Variants in PRKG1 observed in about 807,000 individuals in gnomAD.
The protein encoded by PRKG1 is protein kinase cGMP-dependent 1.
A neutral mutation model predicts 88.1 loss-of-function variants in PRKG1; 35 were observed. The ratio of observed to expected loss-of-function variants is 0.40; its 90% confidence interval spans 0.30 to 0.53. The LOEUF (loss-of-function observed/expected upper bound fraction) is 0.53, where lower values mean the gene tolerates loss of function less well. PRKG1 is among the 20% of genes least tolerant of loss of function. The probability of loss-of-function intolerance (pLI) is 0.59; values close to 1 mark genes in which losing one functional copy is unlikely to be tolerated. For synonymous variants in PRKG1, 303 were observed against 292.5 expected (o/e 1.04, Z -0.37); for missense variants, 540 against 839.8 (o/e 0.64, Z 4.41).
chr10:51,633,889 G>T (rs1302480260), intron 3 of PRKG1, among the ~76,000 whole-genome samples: 1 of 152,074 alleles, frequency 6.6e-6, no homozygotes, highest in Non-Finnish European at 1.5e-5. Flanking sequence ...CTCCACTGTA[G>T]ATTTTCTAAC....
intron 2 of PRKG1, among the ~76,000 whole-genome samples, chr10:51,417,083 T>C (rs1022923897): frequency 1.3e-5 from 2 of 152,210 alleles, no homozygotes; most frequent in African/African-American, 4.8e-5. Flanking sequence ...ATTATGTTTC[T>C]TAACATATTT....
intron 2 of PRKG1, among the ~76,000 whole-genome samples, chr10:51,424,910 A>T (rs1330623795): frequency 6.6e-6 from 1 of 152,144 alleles, no homozygotes; most frequent in Non-Finnish European, 1.5e-5. Flanking sequence ...TACCATAAGG[A>T]ATGCGGATAT....
chr10:51,033,965 T>C (rs1843320114), intron 1 of PRKG1, among the ~76,000 whole-genome samples: 1 of 152,144 alleles, frequency 6.6e-6, no homozygotes, highest in Non-Finnish European at 1.5e-5. Flanking sequence ...TTAAGTCACT[T>C]TGAATATTAT....
At chr10:51,590,738 G>C (rs1200050841) in intron 3 of PRKG1, among the ~76,000 whole-genome samples, 3 of 151,978 alleles carry the variant, frequency 2.0e-5, no homozygotes, top group Non-Finnish European at 2.9e-5. Flanking sequence ...TTAATTTTAG[G>C]GTTGATTTTG....
chr10:51,537,625 G>A (rs1842189763), intron 3 of PRKG1, among the ~76,000 whole-genome samples: 1 of 151,782 alleles, frequency 6.6e-6, no homozygotes, highest in Non-Finnish European at 1.5e-5. Flanking sequence ...CTACTCTGGA[G>A]GCTGAGGCAG....
Position 51,065,574 on chromosome 10 carries a change from T to C in PRKG1, c.266+73930T>C, listed in dbSNP as rs111686663. On this transcript the variant is annotated intron_variant, in intron 1 of 17. Transcript: ENST00000401604. ...CATACAGAAAGGCTTAAACTAAGCC[T>C]CTGATATGTTTGATTTATTAAATAT... 5.6e-4 allele frequency among the ~76,000 whole-genome samples: 86 copies of C among 152,224 alleles called. 1 individual carries two copies. The highest frequency in any genetic ancestry group is 1.9e-3 in the African/African-American group (81 of 41,552).
chr10:51,007,390 CAAAT>C (rs1208660862), intron 1 of PRKG1, among the ~76,000 whole-genome samples: 1 of 152,128 alleles, frequency 6.6e-6, no homozygotes, highest in Non-Finnish European at 1.5e-5. Context: ...GTTTTCTACA[CAAAT>C]AAAGTGCAAT....
At chr10:51,320,240 A>C (rs1410461146) in intron 2 of PRKG1, 1 of 164,106 alleles carries the variant, frequency 6.1e-6, no homozygotes, top group Non-Finnish European at 1.4e-5. Flanking sequence ...CCTTCCGTGC[A>C]CTCTTATGTA....
At chr10:52,203,403 T>A (rs1352129987) in intron 9 of PRKG1, among the ~76,000 whole-genome samples, 4 of 152,356 alleles carry the variant, frequency 2.6e-5, no homozygotes, top group East Asian at 1.9e-4. Flanking sequence ...TTCATTTTTT[T>A]AAAATTTGTT....
At chr10:51,557,345 A>AC (rs1169386414) in intron 3 of PRKG1, among the ~76,000 whole-genome samples, 81 of 86,742 alleles carry the variant, frequency 9.3e-4, no homozygotes, top group African/African-American at 2.1e-3. Context: ...ATACACCACC[A>AC]CCCCCCCACC....
Position 52,008,602 on chromosome 10 carries a change from T to C in PRKG1, c.763-45882T>C, listed in dbSNP as rs1844800703. ...GAAATTAAATCCCTGAACAGACTAA[T>C]AACAAGTTCCAAAGTTGAATCAATA... On this transcript the variant is annotated intron_variant, in intron 5 of 17. Coordinates refer to ENST00000373980, the MANE Select transcript of PRKG1 (RefSeq NM_006258.4). Among the ~76,000 whole-genome samples, 3 of 152,098 alleles carry C rather than the reference T, an allele frequency of 2.0e-5. No homozygotes were observed. In the South Asian group the frequency reaches 6.2e-4, roughly 31 times the overall value.
At chr10:51,534,983 T>C (rs1024436696) in intron 3 of PRKG1, among the ~76,000 whole-genome samples, 1 of 152,168 alleles carries the variant, frequency 6.6e-6, no homozygotes, top group Non-Finnish European at 1.5e-5. Context: ...CTGGTTTTTG[T>C]CAATATTTTA....
chr10:51,949,213 T>C (rs535112524), intron 5 of PRKG1, among the ~76,000 whole-genome samples: 182 of 152,294 alleles, frequency 1.2e-3, no homozygotes, highest in African/African-American at 4.2e-3. Flanking sequence ...TGTTGTCTTT[T>C]AGGAGGCAAG....
intron 3 of PRKG1, among the ~76,000 whole-genome samples, chr10:51,682,076 T>C (rs2132371974): frequency 6.6e-6 from 1 of 152,224 alleles, no homozygotes; most frequent in Admixed American, 6.5e-5. Context: ...GAAATAGAAA[T>C]ATACAAGCCA....
At chr10:51,584,680 T>C (rs375381023) in intron 3 of PRKG1, among the ~76,000 whole-genome samples, 3 of 152,084 alleles carry the variant, frequency 2.0e-5, no homozygotes, top group Admixed American at 6.6e-5. Flanking sequence ...GTTACTTATG[T>C]CTACATGTTT....
At position 51,218,532 on chromosome 10, in the gene PRKG1, A is replaced by ATATAT. The variant is rs61030217; in HGVS notation, c.478+65202_478+65203insTATAT. 5.0e-3 allele frequency among the ~76,000 whole-genome samples: 248 copies of ATATAT among 49,378 alleles called. 13 individuals carry two copies. Among genetic ancestry groups the ATATAT allele is most frequent in the Non-Finnish European group, 5.8e-3 (166 of 28,470 alleles). 32.4% of individuals were successfully genotyped at this position (49,378 alleles called of 152,430 possible). On this transcript the variant is annotated intron_variant, in intron 2 of 17. Transcript: ENST00000373980. The stretch of plus-strand genomic sequence containing the variant: ...ATATATATATATATATATATATATA[A>ATATAT]AATGTGTGTATTTGGCATTTATATA...
chr10:51,991,465 T>C (rs929922264), intron 5 of PRKG1, among the ~76,000 whole-genome samples: 3 of 152,160 alleles, frequency 2.0e-5, no homozygotes, highest in African/African-American at 7.2e-5. Context: ...TGCGCCATGT[T>C]GGTGTGCTGC....
At chr10:51,325,059 T>C (rs1411656136) in intron 2 of PRKG1, among the ~76,000 whole-genome samples, 1 of 152,214 alleles carries the variant, frequency 6.6e-6, no homozygotes, top group East Asian at 1.9e-4. Context: ...TTTCTCTTTT[T>C]ATAGCCATTC....
chr10:52,191,282 T>A (rs1282355935), intron 9 of PRKG1, among the ~76,000 whole-genome samples: 1 of 151,496 alleles, frequency 6.6e-6, no homozygotes, highest in Non-Finnish European at 1.5e-5. Flanking sequence ...GCCGAGTAGC[T>A]GGGAGGGCAG....
Sources: gnomAD v4.1 joint callset for allele counts (sites outside exome capture counted in the v4.1 genomes callset) on GRCh38, gnomAD v4.1.1 for gene constraint, MANE v1.5 for transcripts, NCBI Gene and HGNC (gene_info 2026-07-23, HGNC 2026-07-21) for gene names.